Variants in SLC9C1 observed in about 807,000 individuals in gnomAD.
SLC9C1 encodes the protein sodium/hydrogen exchanger 10.
Under a neutral mutation model 140.9 loss-of-function variants are expected in SLC9C1, and 97 were observed. The ratio of observed to expected loss-of-function variants is 0.69; its 90% confidence interval spans 0.58 to 0.82. The LOEUF (loss-of-function observed/expected upper bound fraction) is 0.82. Among genes scored for constraint, SLC9C1 ranks in the 40% least tolerant of loss-of-function variants. The pLI is 0.00. For synonymous variants in SLC9C1, 440 were observed against 442.6 expected (o/e 0.99, Z 0.07); for missense variants, 1,340 against 1,389.3 (o/e 0.96, Z 0.56).
chr3:112,239,293 G>A (rs6805589), intron 12 of SLC9C1, among the ~76,000 whole-genome samples: 89,996 of 152,112 alleles, frequency 0.59, 27,150 homozygotes, highest in East Asian at 0.79. Context: ...TGTTTGCTAA[G>A]ACCATTGGAA....
chr3:112,200,858 A>C (rs1352232355), intron 18 of SLC9C1, 96 bp from the exon 19 acceptor site: 1 of 1,088,666 alleles, frequency 9.2e-7, no homozygotes, highest in Non-Finnish European at 1.3e-6. Flanking sequence ...CTAAGTTAAT[A>C]GTTTTAAGAG....
At chr3:112,234,072 G>A (rs2078911782) in intron 12 of SLC9C1, among the ~76,000 whole-genome samples, 1 of 152,176 alleles carries the variant, frequency 6.6e-6, no homozygotes, top group Non-Finnish European at 1.5e-5. Flanking sequence ...TTCCACAATG[G>A]TTGAACTAGT....
At chr3:112,150,054 C>G (rs137912538) in intron 28 of SLC9C1, among the ~76,000 whole-genome samples, 1 of 152,288 alleles carries the variant, frequency 6.6e-6, no homozygotes, top group East Asian at 1.9e-4. Flanking sequence ...CAGTTTTCCT[C>G]CTACCCCAGA....
At chr3:112,201,653 A>G (rs1297068200) in intron 18 of SLC9C1, among the ~76,000 whole-genome samples, 1 of 152,070 alleles carries the variant, frequency 6.6e-6, no homozygotes, top group African/African-American at 2.4e-5. Flanking sequence ...CCTTAGAATT[A>G]TCTTTCCTGC....
At chr3:112,212,974 C>A (rs1440119331) in intron 15 of SLC9C1, among the ~76,000 whole-genome samples, 1 of 152,128 alleles carries the variant, frequency 6.6e-6, no homozygotes, top group Non-Finnish European at 1.5e-5. Context: ...AGGTTACCCA[C>A]AAAGGGAAGC....
In SLC9C1 at chr3:112,286,834, T is replaced by C; in HGVS notation, c.-43A>G. 2.2e-6 allele frequency: 3 copies of C among 1,354,840 alleles called. No individual in the cohort carries two copies. Among genetic ancestry groups the C allele is most frequent in the African/African-American group, 1.4e-5 (1 of 69,312 alleles). The allele number at this position is 1,354,840 out of a possible 1,614,324, so 83.9% of individuals were successfully genotyped here. The stretch of plus-strand genomic sequence containing the variant: ...ATGCAGATTTATGTTAGAAGCAATC[T>C]CCATATGATCATCCATCTTGTTGTT... On this transcript the variant is annotated 5_prime_UTR_variant, in exon 2 of 29. Transcript: ENST00000305815.
intron 20 of SLC9C1, among the ~76,000 whole-genome samples, chr3:112,187,980 A>G (rs1364053437): frequency 6.6e-6 from 1 of 151,918 alleles, no homozygotes; most frequent in Non-Finnish European, 1.5e-5. Context: ...TTGTTTATTT[A>G]CATATAATGT....
intron 10 of SLC9C1, among the ~76,000 whole-genome samples, chr3:112,246,829 T>TA (rs1477740478): frequency 6.6e-6 from 1 of 152,080 alleles, no homozygotes; most frequent in Non-Finnish European, 1.5e-5. Flanking sequence ...GAAAAGAGCT[T>TA]AAAAAGCAGA....
chr3:112,143,304 G>A (rs1351113664), intron 28 of SLC9C1, among the ~76,000 whole-genome samples: 3 of 152,056 alleles, frequency 2.0e-5, no homozygotes, highest in African/African-American at 7.2e-5. Flanking sequence ...TAAGTTCTTT[G>A]AGAAATCTCC....
chr3:112,161,753 GGC>G (rs1560014729), intron 26 of SLC9C1, among the ~76,000 whole-genome samples: 1 of 151,896 alleles, frequency 6.6e-6, no homozygotes, highest in South Asian at 2.1e-4. Flanking sequence ...TGGCGATGCG[GGC>G]TCTTTTTTGG....
At chr3:112,183,349 CT>C (rs200437815) in intron 20 of SLC9C1, among the ~76,000 whole-genome samples, 1,504 of 95,382 alleles carry the variant, frequency 0.016, 59 homozygotes, top group Non-Finnish European at 0.022. Flanking sequence ...AGCACCTTTT[CT>C]TTTTTTTTTT....
intron 2 of SLC9C1, among the ~76,000 whole-genome samples, 195 bp downstream of exon 2, chr3:112,286,509 T>C (rs1336770928): frequency 6.6e-6 from 1 of 152,222 alleles, no homozygotes; most frequent in Non-Finnish European, 1.5e-5. Flanking sequence ...ATGAATGTTA[T>C]GAAAATCAGA....
chr3:112,259,463 G>A (rs1249922282), intron 10 of SLC9C1, among the ~76,000 whole-genome samples: 3 of 149,788 alleles, frequency 2.0e-5, no homozygotes, highest in East Asian at 2.0e-4. Context: ...CCATGTCCTC[G>A]TGTCCTTTGC....
At chr3:112,187,070 T>A (rs1303595882) in intron 20 of SLC9C1, among the ~76,000 whole-genome samples, 1 of 152,196 alleles carries the variant, frequency 6.6e-6, no homozygotes, top group Non-Finnish European at 1.5e-5. Context: ...TATTTTGGGC[T>A]TTTTATAGTG....
At chr3:112,252,258 C>T (rs1372517207) in intron 10 of SLC9C1, among the ~76,000 whole-genome samples, 1 of 152,100 alleles carries the variant, frequency 6.6e-6, no homozygotes, top group East Asian at 1.9e-4. Context: ...TATGGATAAA[C>T]AGCCAGACTG....
chr3:112,167,098 T>C (rs918071999), intron 26 of SLC9C1, 123 bp downstream of exon 26: 2 of 998,184 alleles, frequency 2.0e-6, no homozygotes, highest in Non-Finnish European at 2.9e-6. Context: ...ATAGCAAATA[T>C]GGCAGTTAAA....
At chr3:112,263,158 T>A in intron 9 of SLC9C1, 60 bp from the exon 10 acceptor site, 1 of 1,413,682 alleles carries the variant, frequency 7.1e-7, no homozygotes, top group Non-Finnish European at 9.5e-7. Context: ...TTCCATTTCA[T>A]GCTACTCTAT....
chr3:112,179,308 G>A (rs1449065751), intron 23 of SLC9C1, among the ~76,000 whole-genome samples: 1 of 151,732 alleles, frequency 6.6e-6, no homozygotes, highest in Non-Finnish European at 1.5e-5. Context: ...AGTTTTTCTG[G>A]ATACATCTTT....
intron 6 of SLC9C1, 39 bp downstream of exon 6, chr3:112,274,858 A>G (rs1256495382): frequency 1.4e-6 from 2 of 1,451,266 alleles, no homozygotes; most frequent in Non-Finnish European, 1.8e-6. Context: ...AAAATACAGG[A>G]TTCTGATGTT....
Sources: allele counts gnomAD v4.1 joint callset (sites outside exome capture counted in the v4.1 genomes callset), GRCh38; gene constraint gnomAD v4.1.1; transcripts MANE v1.5; gene names NCBI Gene and HGNC (gene_info 2026-07-23, HGNC 2026-07-21).